Variants in CCSER1 observed in about 807,000 individuals in gnomAD.
CCSER1 encodes the protein serine-rich coiled-coil domain-containing protein 1.
A neutral mutation model predicts 82.0 loss-of-function variants in CCSER1; 41 were observed. The ratio of observed to expected loss-of-function variants is 0.50; its 90% CI spans 0.39 to 0.65. The LOEUF is 0.65. Ranked by LOEUF, CCSER1 falls within the 30% of genes least tolerant of loss-of-function variation. The probability of loss-of-function intolerance (pLI) is 0.00; values close to 1 mark genes in which losing one functional copy is unlikely to be tolerated. For synonymous variants in CCSER1, 414 were observed against 383.9 expected (o/e 1.08, Z -0.92); for missense variants, 1,119 against 1,064.2 (o/e 1.05, Z -0.72).
intron 8 of CCSER1, among the ~76,000 whole-genome samples, chr4:90,877,927 A>G (rs1720592854): frequency 6.6e-6 from 1 of 152,126 alleles, no homozygotes; most frequent in Admixed American, 6.6e-5. Context: ...ATCAGTTACT[A>G]TCCAAATTAT....
intron 5 of CCSER1, among the ~76,000 whole-genome samples, chr4:90,578,523 G>T (rs1280136718): frequency 6.6e-6 from 1 of 152,052 alleles, no homozygotes; most frequent in Non-Finnish European, 1.5e-5. Context: ...ACTTTTAAGA[G>T]TTATAATTCT....
At chr4:90,598,823 G>A (rs1302899126) in intron 5 of CCSER1, among the ~76,000 whole-genome samples, 1 of 152,114 alleles carries the variant, frequency 6.6e-6, no homozygotes, top group Non-Finnish European at 1.5e-5. Context: ...CATTAGAATG[G>A]GGAGATGAGC....
At chr4:91,492,718 C>T (rs1302909195) in intron 10 of CCSER1, among the ~76,000 whole-genome samples, 1 of 151,996 alleles carries the variant, frequency 6.6e-6, no homozygotes, top group African/African-American at 2.4e-5. Flanking sequence ...TCTCTCTGGT[C>T]TAAGGCTTTT....
At chr4:90,505,119 G>A (rs1770498561) in intron 5 of CCSER1, among the ~76,000 whole-genome samples, 1 of 152,136 alleles carries the variant, frequency 6.6e-6, no homozygotes, top group Middle Eastern at 3.2e-3. Context: ...CTACAAACAC[G>A]ATAATGAAAT....
intron 10 of CCSER1, among the ~76,000 whole-genome samples, chr4:91,089,577 G>A (rs569909827): frequency 6.6e-6 from 1 of 152,160 alleles, no homozygotes; most frequent in Non-Finnish European, 1.5e-5. Flanking sequence ...GCAATAGATT[G>A]ATAGTGATTC....
At chr4:91,086,408 A>G (rs1032618300) in intron 10 of CCSER1, among the ~76,000 whole-genome samples, 1 of 152,104 alleles carries the variant, frequency 6.6e-6, no homozygotes, top group Non-Finnish European at 1.5e-5. Flanking sequence ...GGCTTTTGGC[A>G]TATGCTACTA....
intron 10 of CCSER1, among the ~76,000 whole-genome samples, chr4:91,439,144 C>G (rs1489578401): frequency 6.6e-6 from 1 of 152,136 alleles, no homozygotes; most frequent in African/African-American, 2.4e-5. Flanking sequence ...CACAAAGATA[C>G]TCCTCGAGAA....
rs558436620 is a variant in CCSER1, at chr4:91,147,694, G to C, written c.2217+61700G>C. On this transcript the variant is annotated intron_variant, in intron 10 of 10. Transcript: ENST00000509176. ...GAGTGATGGGGGCGGGCTCTCTCCT[G>C]CTCCCAGGCAGCCAGCAAAACTCTA... Among the ~76,000 whole-genome samples the C allele has an allele frequency of 8.5e-4, 130 of 152,264 alleles. No individual in the cohort carries two copies. The Middle Eastern group carries it at 0.014, about 16-fold the overall frequency.
chr4:90,322,982 C>T, intron 3 of CCSER1, among the ~76,000 whole-genome samples: 1 of 152,188 alleles, frequency 6.6e-6, no homozygotes, highest in East Asian at 1.9e-4. Flanking sequence ...AATGGTGAAT[C>T]CTGCCAGGTC....
chr4:91,355,409 G>T (rs2149305018), intron 10 of CCSER1, among the ~76,000 whole-genome samples: 1 of 152,142 alleles, frequency 6.6e-6, no homozygotes, highest in Admixed American at 6.5e-5. Flanking sequence ...ATCGTGGGAG[G>T]CTTAAAATGG....
intron 4 of CCSER1, among the ~76,000 whole-genome samples, chr4:90,405,361 T>C (rs1753563183): frequency 6.6e-6 from 1 of 152,192 alleles, no homozygotes; most frequent in African/African-American, 2.4e-5. Flanking sequence ...AGTTTGGCAC[T>C]GTGTTAAATG....
At chr4:91,023,004 C>G (rs1740146893) in intron 9 of CCSER1, among the ~76,000 whole-genome samples, 1 of 151,554 alleles carries the variant, frequency 6.6e-6, no homozygotes, top group Non-Finnish European at 1.5e-5. Context: ...TGCAGAAGCT[C>G]TTTAGTTTAA....
chr4:90,390,071 C>T (rs1380585213), intron 3 of CCSER1, among the ~76,000 whole-genome samples: 1 of 152,060 alleles, frequency 6.6e-6, no homozygotes, highest in East Asian at 1.9e-4. Flanking sequence ...AGGGGATACA[C>T]TCAGTAAAGG....
chr4:91,020,334 A>T (rs1432731080), intron 9 of CCSER1, among the ~76,000 whole-genome samples: 1 of 152,208 alleles, frequency 6.6e-6, no homozygotes, highest in East Asian at 1.9e-4. Context: ...AATTATCGAC[A>T]TGTGACTTTA....
chr4:91,160,397 T>C (rs1429801993), intron 10 of CCSER1, among the ~76,000 whole-genome samples: 1 of 152,210 alleles, frequency 6.6e-6, no homozygotes, highest in Non-Finnish European at 1.5e-5. Flanking sequence ...TTATAATCCT[T>C]TGGGTATATA....
At chr4:90,978,328 C>T (rs73834714) in intron 9 of CCSER1, among the ~76,000 whole-genome samples, 4,946 of 151,572 alleles carry the variant, frequency 0.033, 262 homozygotes, top group African/African-American at 0.1. Context: ...ACACAAAGCT[C>T]TTAGAACAAT....
At chr4:90,352,257 G>A (rs1466047594) in intron 3 of CCSER1, among the ~76,000 whole-genome samples, 1 of 151,964 alleles carries the variant, frequency 6.6e-6, no homozygotes, top group Non-Finnish European at 1.5e-5. Context: ...CCGGGAGGCC[G>A]AGCTTGCAAT....
intron 4 of CCSER1, among the ~76,000 whole-genome samples, chr4:90,450,047 A>C (rs2153577740): frequency 6.6e-6 from 1 of 152,216 alleles, no homozygotes; most frequent in African/African-American, 2.4e-5. Flanking sequence ...GGTACATCTA[A>C]CTGCTGTGAG....
chr4:91,599,213 G>C lies in CCSER1; in HGVS notation c.*156G>C. ...TTTTCTTAGTCATAAACAAAGACTTGTGGGTTTTTTTTTTCCAAGAGTGAA... is the reference window on the plus strand; with the variant it reads ...TTTTCTTAGTCATAAACAAAGACTTCTGGGTTTTTTTTTTCCAAGAGTGAA... On this transcript the variant is annotated 3_prime_UTR_variant, in exon 11 of 11. Coordinates refer to ENST00000509176, the MANE Select transcript of CCSER1 (RefSeq NM_001145065.2). 1.0e-6 allele frequency: 1 copy of C among 956,824 alleles called. No individual in the cohort carries two copies. The highest frequency in any genetic ancestry group is 1.5e-6 in the Non-Finnish European group (1 of 682,554). 59.3% of individuals were successfully genotyped at this position (956,824 alleles called of 1,614,324 possible). A position where few individuals can be genotyped will look rare whatever the true frequency, so the allele number is the denominator to read the frequency against.
Sources: gnomAD v4.1 joint callset for allele counts (sites outside exome capture counted in the v4.1 genomes callset) on GRCh38, gnomAD v4.1.1 for gene constraint, MANE v1.5 for transcripts, NCBI Gene and HGNC (gene_info 2026-07-23, HGNC 2026-07-21) for gene names.